Variants in MYO1B observed in about 807,000 individuals in gnomAD.
MYO1B encodes unconventional myosin-Ib.
MYO1B carries 72 observed loss-of-function variants against 159.7 expected under a neutral mutation model. The ratio of observed to expected loss-of-function variants is 0.45; its 90% CI spans 0.37 to 0.55. The LOEUF is 0.55. MYO1B is among the 20% of genes least tolerant of loss of function. MYO1B has a pLI of 0.00. For synonymous variants in MYO1B, 468 were observed against 473.8 expected, an observed-to-expected ratio of 0.99 and a Z score of 0.16; for missense variants, 1,062 against 1,364.8, an observed-to-expected ratio of 0.78 and a Z score of 3.50.
intron 17 of MYO1B, 85 bp from the exon 18 acceptor site, chr2:191,390,207 C>T: frequency 8.2e-7 from 1 of 1,212,328 alleles, no homozygotes; most frequent in Non-Finnish European, 1.1e-6. Flanking sequence ...TGCTATGAAA[C>T]AGTTATATAT....
intron 1 of MYO1B, among the ~76,000 whole-genome samples, chr2:191,264,668 G>C (rs1687020239): frequency 6.6e-6 from 1 of 151,838 alleles, no homozygotes; most frequent in African/African-American, 2.4e-5. Flanking sequence ...ATTTTATTTT[G>C]GTTATGAGAT....
chr2:191,290,902 A>AG (rs1411777137), intron 2 of MYO1B, among the ~76,000 whole-genome samples: 3 of 152,246 alleles, frequency 2.0e-5, no homozygotes, highest in Non-Finnish European at 4.4e-5. Context: ...CAGCAGCACT[A>AG]GCAGGTTGTT....
At chr2:191,276,797 C>G (rs1574318799) in intron 1 of MYO1B, 90 bp from the exon 2 acceptor site, 1 of 1,408,942 alleles carries the variant, frequency 7.1e-7, no homozygotes, top group Non-Finnish European at 9.6e-7. Flanking sequence ...TCATTTGGAG[C>G]TACCAGTGTT....
intron 2 of MYO1B, among the ~76,000 whole-genome samples, chr2:191,280,665 T>G (rs1323051257): frequency 2.0e-5 from 3 of 152,102 alleles, no homozygotes; most frequent in Non-Finnish European, 4.4e-5. Flanking sequence ...TGTTTAAGAT[T>G]GGAGTTGAAC....
At chr2:191,381,035 C>T in intron 13 of MYO1B, 1 of 282,126 alleles carries the variant, frequency 3.5e-6, no homozygotes, top group Non-Finnish European at 6.9e-6. Context: ...GGGATCTGTC[C>T]CTGGATGGGG....
At chr2:191,388,237 A>G (rs1206579851) in intron 17 of MYO1B, 1 of 151,510 alleles carries the variant, frequency 6.6e-6, no homozygotes, top group East Asian at 1.9e-4. Context: ...AGGTCACGCC[A>G]CTGCACTCCA....
At chr2:191,330,465 C>T (rs1490883357) in intron 4 of MYO1B, among the ~76,000 whole-genome samples, 2 of 152,198 alleles carry the variant, frequency 1.3e-5, no homozygotes, top group Non-Finnish European at 2.9e-5. Context: ...GAGTTTTCCT[C>T]TGAAGCCTGA....
Position 191,348,256 on chromosome 2 carries a change from A to G in MYO1B, c.499-1906A>G, listed in dbSNP as rs556450236. On this transcript the variant is annotated intron_variant, in intron 6 of 30. Coordinates refer to ENST00000392318, the MANE Select transcript of MYO1B (RefSeq NM_001130158.3). ...TTATTCTACTCTCCTCAAACATCCT[A>G]TTTTTTTACTCTCAGCTCATGATGT... Among the ~76,000 whole-genome samples the G allele has an allele frequency of 5.9e-5, 9 of 152,008 alleles. No homozygotes were observed. In the South Asian group the frequency reaches 1.7e-3, roughly 28 times the overall value.
chr2:191,257,520 C>A (rs1686526994), intron 1 of MYO1B, among the ~76,000 whole-genome samples: 1 of 152,004 alleles, frequency 6.6e-6, no homozygotes, highest in African/African-American at 2.4e-5. Flanking sequence ...CTTCAAAAGC[C>A]CATTGATTTT....
chr2:191,320,037 G>T (rs1427070092), intron 3 of MYO1B, among the ~76,000 whole-genome samples: 2 of 152,106 alleles, frequency 1.3e-5, no homozygotes, highest in East Asian at 3.8e-4. Context: ...AGCTGGTGAT[G>T]GTAAGGAAAG....
At chr2:191,332,003 C>T (rs1443055027) in intron 4 of MYO1B, among the ~76,000 whole-genome samples, 1 of 152,220 alleles carries the variant, frequency 6.6e-6, no homozygotes, top group Non-Finnish European at 1.5e-5. Context: ...GCTCTTATAG[C>T]CCTGGCTGGA....
Position 191,362,258 on chromosome 2 carries a change from G to A in MYO1B, c.662-10G>A. On this transcript the variant is annotated splice_polypyrimidine_tract_variant and intron_variant, in intron 8 of 30. Coordinates refer to ENST00000392318, the MANE Select transcript of MYO1B (RefSeq NM_001130158.3). The stretch of plus-strand genomic sequence containing the variant: ...AAGCAACTTAACAACTTGTGTCTTT[G>A]ATTCAATAGATAAACTTAAGCTTGA... The A allele has an allele frequency of 6.2e-7, 1 of 1,607,924 alleles. No individual in the cohort carries two copies. Among genetic ancestry groups the A allele is most frequent in the South Asian group, 1.1e-5 (1 of 90,654 alleles).
At chr2:191,309,213 CT>C (rs1689840353) in intron 3 of MYO1B, among the ~76,000 whole-genome samples, 1 of 152,192 alleles carries the variant, frequency 6.6e-6, no homozygotes, top group Non-Finnish European at 1.5e-5. Context: ...TCTTTCTCAC[CT>C]TGGTCAGTGG....
At chr2:191,257,998 G>C (rs1686560492) in intron 1 of MYO1B, among the ~76,000 whole-genome samples, 1 of 152,176 alleles carries the variant, frequency 6.6e-6, no homozygotes, top group South Asian at 2.1e-4. Flanking sequence ...TGTATACCTA[G>C]ACTTAGCATT....
intron 1 of MYO1B, among the ~76,000 whole-genome samples, chr2:191,260,809 T>G (rs1052377053): frequency 6.6e-6 from 1 of 152,214 alleles, no homozygotes; most frequent in Non-Finnish European, 1.5e-5. Flanking sequence ...TACTCTTGAC[T>G]CTATGTCTGG....
At chr2:191,352,463 A>T (rs1384309180) in intron 7 of MYO1B, among the ~76,000 whole-genome samples, 1 of 152,234 alleles carries the variant, frequency 6.6e-6, no homozygotes, top group Non-Finnish European at 1.5e-5. Context: ...TTATTATTAT[A>T]AGGATTAGAA....
chr2:191,337,642 C>CAT lies in MYO1B; in HGVS notation c.347-3806_347-3805dup, dbSNP rs149245505. ...TTTTAAGATTCAAGTTACATTCAAA[C>CAT]ATATATATATATATGTACGTAAGTT... On this transcript the variant is annotated intron_variant, in intron 4 of 30. Coordinates refer to ENST00000392318, the MANE Select transcript of MYO1B (RefSeq NM_001130158.3). Among the ~76,000 whole-genome samples the CAT allele has an allele frequency of 7.0e-4, 106 of 150,696 alleles. 1 individual carries two copies. The highest frequency in any genetic ancestry group is 1.9e-3 in the African/African-American group (79 of 41,126).
chr2:191,354,074 G>A (rs891171419), intron 7 of MYO1B, among the ~76,000 whole-genome samples: 1 of 151,948 alleles, frequency 6.6e-6, no homozygotes, highest in Admixed American at 6.6e-5. Flanking sequence ...TGATCAACAT[G>A]GTGAAACCCC....
intron 21 of MYO1B, among the ~76,000 whole-genome samples, chr2:191,399,109 A>T (rs1192778674): frequency 6.6e-6 from 1 of 152,102 alleles, no homozygotes; most frequent in Admixed American, 6.5e-5. Flanking sequence ...ACCAAAAAAA[A>T]ACGAAAACCA....
Sources: allele counts gnomAD v4.1 joint callset (sites outside exome capture counted in the v4.1 genomes callset), GRCh38; gene constraint gnomAD v4.1.1; transcripts MANE v1.5; gene names NCBI Gene and HGNC (gene_info 2026-07-23, HGNC 2026-07-21).